The following SORBS2 variants were observed in gnomAD, a reference collection of about 807,000 sequenced individuals.
The protein encoded by SORBS2 is sorbin and SH3 domain-containing protein 2.
In SORBS2, 46 loss-of-function variants were observed where a neutral mutation model predicts 97.7. The observed-to-expected ratio is 0.47, with a 90% CI of 0.37 to 0.60. The LOEUF is 0.60. SORBS2 is among the 20% of genes least tolerant of loss of function. The probability of loss-of-function intolerance (pLI) is 0.00; values close to 1 mark genes in which losing one functional copy is unlikely to be tolerated. For synonymous variants in SORBS2, 476 were observed against 473.4 expected (o/e 1.01, Z -0.07); for missense variants, 1,316 against 1,282.3 (o/e 1.03, Z -0.40).
At chr4:185,645,749 T>A (rs140828081) in intron 4 of SORBS2, 41 of 152,304 alleles carry the variant, frequency 2.7e-4, no homozygotes, top group African/African-American at 9.9e-4. Context: ...GAGAGTAAAT[T>A]GCAATTGATT....
chr4:185,811,239 A>C (rs764707013), intron 1 of SORBS2: 1 of 152,212 alleles, frequency 6.6e-6, no homozygotes, highest in Non-Finnish European at 1.5e-5. Context: ...TTAAGAGTTA[A>C]ATAAATCATT....
chr4:185,587,743 C>T (rs1044705606), intron 14 of SORBS2, 55 bp from the exon 27 acceptor site: 6 of 1,381,400 alleles, frequency 4.3e-6, no homozygotes, highest in South Asian at 1.2e-5. Flanking sequence ...AGTTCATACA[C>T]ATGGGCTTGA....
chr4:185,811,278 T>C (rs1289871963), intron 1 of SORBS2, among the ~76,000 whole-genome samples: 1 of 152,202 alleles, frequency 6.6e-6, no homozygotes. Flanking sequence ...ATGCTTCTCA[T>C]GTAGTTCTTT....
At chr4:185,763,469 C>G (rs933336604) in intron 2 of SORBS2, among the ~76,000 whole-genome samples, 2 of 152,292 alleles carry the variant, frequency 1.3e-5, no homozygotes, top group African/African-American at 4.8e-5. Context: ...ATTTACTGCT[C>G]TTTGTCTAAT....
intron 1 of SORBS2, among the ~76,000 whole-genome samples, chr4:185,872,610 A>G (rs1043542277): frequency 2.0e-5 from 3 of 152,250 alleles, no homozygotes; most frequent in African/African-American, 7.2e-5. Context: ...AAAAAAGGCC[A>G]CAAGAAATTG....
At chr4:185,785,958 A>C (rs555361868) in intron 1 of SORBS2, among the ~76,000 whole-genome samples, 1 of 152,342 alleles carries the variant, frequency 6.6e-6, no homozygotes, top group East Asian at 1.9e-4. Context: ...CACACCTGGC[A>C]CACTGGAATC....
exon 15 of SORBS2, chr4:185,587,609 A>G: frequency 6.2e-7 from 1 of 1,611,778 alleles, no homozygotes; most frequent in Middle Eastern, 1.7e-4. Context: ...CGGCCTCTAC[A>G]GAAGGAGGGA....
chr4:185,906,467 A>T (rs1158375279), intron 1 of SORBS2, among the ~76,000 whole-genome samples: 2 of 152,248 alleles, frequency 1.3e-5, no homozygotes, highest in Admixed American at 1.3e-4. Flanking sequence ...TAGGAAGTTA[A>T]TTAGAGATAC....
chr4:185,743,024 T>C (rs1395877708), intron 2 of SORBS2, among the ~76,000 whole-genome samples: 1 of 152,146 alleles, frequency 6.6e-6, no homozygotes, highest in Non-Finnish European at 1.5e-5. Context: ...GACCAGCTGG[T>C]TTCCTGGAGA....
At chr4:185,639,563 T>C (rs968972472) in intron 4 of SORBS2, among the ~76,000 whole-genome samples, 1 of 152,218 alleles carries the variant, frequency 6.6e-6, no homozygotes, top group Non-Finnish European at 1.5e-5. Flanking sequence ...CATGGCTGAC[T>C]AGATTGATTT....
intron 1 of SORBS2, among the ~76,000 whole-genome samples, chr4:185,949,308 A>G (rs2099276053): frequency 1.3e-5 from 2 of 152,206 alleles, no homozygotes; most frequent in South Asian, 4.1e-4. Context: ...CCAGTATTGA[A>G]TCTGGACTGG....
At chr4:185,764,414 T>C (rs999624686) in intron 2 of SORBS2, among the ~76,000 whole-genome samples, 2 of 152,178 alleles carry the variant, frequency 1.3e-5, no homozygotes, top group Admixed American at 6.5e-5. Flanking sequence ...AACAATGCCA[T>C]ACAAAAAGAT....
intron 1 of SORBS2, among the ~76,000 whole-genome samples, chr4:185,932,484 A>G (rs748301002): frequency 2.8e-4 from 43 of 152,098 alleles, no homozygotes; most frequent in Non-Finnish European, 5.0e-4. Flanking sequence ...CAAAATCCCC[A>G]CACATTAAGT....
intron 2 of SORBS2, among the ~76,000 whole-genome samples, chr4:185,732,196 C>G (rs2098646128): frequency 6.6e-6 from 1 of 151,794 alleles, no homozygotes; most frequent in Non-Finnish European, 1.5e-5. Flanking sequence ...AAGTAAACTC[C>G]CAGGCATTCC....
upstream of SORBS2, among the ~76,000 whole-genome samples, chr4:185,659,559 G>C (rs1484043966): frequency 1.3e-5 from 2 of 151,290 alleles, no homozygotes; most frequent in Admixed American, 6.6e-5. Flanking sequence ...TGGGACTACA[G>C]GTGCCCGCCA....
chr4:185,923,472 A>AATTTTTTTTTTTTTTTTTTTTTTTT (rs1554052836), intron 1 of SORBS2, among the ~76,000 whole-genome samples: 1 of 110,478 alleles, frequency 9.1e-6, no homozygotes, highest in African/African-American at 3.5e-5. Flanking sequence ...CTTTTTTTTA[A>AATTTTTTTTTTTTTTTTTTTTTTTT]TTTTTTTTTT....
intron 1 of SORBS2, among the ~76,000 whole-genome samples, chr4:185,888,725 A>C (rs1313896256): frequency 6.6e-6 from 1 of 152,150 alleles, no homozygotes; most frequent in Non-Finnish European, 1.5e-5. Context: ...TTAGCTTCAC[A>C]TGGTGTGGCC....
chr4:185,697,384 C>A (rs952856266), intron 2 of SORBS2, among the ~76,000 whole-genome samples: 1 of 152,134 alleles, frequency 6.6e-6, no homozygotes, highest in South Asian at 2.1e-4. Flanking sequence ...CCCAGCTTAG[C>A]AACATGTTGG....
intron 1 of SORBS2, among the ~76,000 whole-genome samples, chr4:185,891,189 AG>A (rs1554047243): frequency 2.6e-5 from 4 of 152,248 alleles, no homozygotes; most frequent in Non-Finnish European, 5.9e-5. Context: ...CAAAAAAGTA[AG>A]TGGACTTTAG....
Sources: gnomAD v4.1 joint callset for allele counts (sites outside exome capture counted in the v4.1 genomes callset) on GRCh38, gnomAD v4.1.1 for gene constraint, MANE v1.5 for transcripts, NCBI Gene and HGNC (gene_info 2026-07-23, HGNC 2026-07-21) for gene names.